Variants in SORCS3 observed in about 807,000 individuals in gnomAD.
The protein encoded by SORCS3 is sortilin related VPS10 domain containing receptor 3, also known as VPS10 domain-containing receptor SorCS3.
In SORCS3, 57 loss-of-function variants were observed where a neutral mutation model predicts 146.3. The observed-to-expected ratio is 0.39, with a 90% CI of 0.31 to 0.49. SORCS3 has a LOEUF of 0.49. Ranked by LOEUF, SORCS3 falls within the 20% of genes least tolerant of loss-of-function variation. The pLI is 0.92. For missense variants in SORCS3, 1,341 were observed against 1,575.5 expected (o/e 0.85, Z 2.52); for synonymous variants, 653 against 618.5 (o/e 1.06, Z -0.83).
chr10:104,744,627 T>C (rs2016886539), intron 1 of SORCS3, among the ~76,000 whole-genome samples: 1 of 152,218 alleles, frequency 6.6e-6, no homozygotes, highest in Non-Finnish European at 1.5e-5. Context: ...ATTAGGTCTG[T>C]CTGTTTCTAA....
Position 104,940,234 on chromosome 10 carries a change from ATATATTTTTTTTTTT to A in SORCS3, c.795+24304_795+24318del, listed in dbSNP as rs1289580768. 4.1e-4 allele frequency among the ~76,000 whole-genome samples: 10 copies of A among 24,250 alleles called. No homozygotes were observed. The East Asian group carries it at 4.4e-3, about 11-fold the overall frequency. 15.9% of individuals were successfully genotyped at this position (24,250 alleles called of 152,430 possible). On this transcript the variant is annotated intron_variant, in intron 3 of 26. Coordinates refer to ENST00000369701, the MANE Select transcript of SORCS3 (RefSeq NM_014978.3). ...TATATATATATATATATATATATATATATATTTTTTTTTTTTTTTTTATTATACTTTAAGTTCTAG... is the reference window on the plus strand; with the variant it reads ...TATATATATATATATATATATATATATTTTTTATTATACTTTAAGTTCTAG...
At chr10:105,201,308 G>A in intron 16 of SORCS3, 55 bp downstream of exon 16, 1 of 1,553,412 alleles carries the variant, frequency 6.4e-7, no homozygotes, top group Non-Finnish European at 8.7e-7. Flanking sequence ...CCTGTCTGTG[G>A]GGTGGGGTGG....
chr10:105,248,419 T>C (rs1161588339), intron 22 of SORCS3, among the ~76,000 whole-genome samples: 1 of 152,120 alleles, frequency 6.6e-6, no homozygotes, highest in Non-Finnish European at 1.5e-5. Context: ...AGGATGGTGT[T>C]TGAATGAGCA....
chr10:104,744,317 T>G (rs1478302920), intron 1 of SORCS3, among the ~76,000 whole-genome samples: 2 of 152,222 alleles, frequency 1.3e-5, no homozygotes, highest in African/African-American at 4.8e-5. Context: ...TGGGAACTTT[T>G]GACATGCTGG....
chr10:105,245,691 T>A, intron 21 of SORCS3, 26 bp downstream of exon 21: 1 of 1,612,358 alleles, frequency 6.2e-7, no homozygotes, highest in Non-Finnish European at 8.5e-7. Context: ...TGTTCTGTGA[T>A]GCTCCTTCCC....
chr10:104,645,558 C>T (rs932971018), intron 1 of SORCS3, among the ~76,000 whole-genome samples: 1 of 152,172 alleles, frequency 6.6e-6, no homozygotes, highest in Non-Finnish European at 1.5e-5. Flanking sequence ...GAAGTGGCAG[C>T]GATTTGCAGG....
chr10:104,897,760 A>G (rs2018814041), intron 2 of SORCS3, among the ~76,000 whole-genome samples: 1 of 152,264 alleles, frequency 6.6e-6, no homozygotes, highest in East Asian at 1.9e-4. Flanking sequence ...CAAGTGAAGC[A>G]GTTGTTGGGT....
At chr10:104,694,615 A>G (rs1177731018) in intron 1 of SORCS3, among the ~76,000 whole-genome samples, 2 of 152,180 alleles carry the variant, frequency 1.3e-5, no homozygotes, top group East Asian at 3.9e-4. Context: ...CAAGGGTGAA[A>G]AGGCCTGGCC....
intron 7 of SORCS3, among the ~76,000 whole-genome samples, chr10:105,123,011 G>A (rs1239114541): frequency 6.6e-6 from 1 of 152,174 alleles, no homozygotes; most frequent in Non-Finnish European, 1.5e-5. Flanking sequence ...GTTTCCTTGT[G>A]GCAAAATGAA....
intron 5 of SORCS3, among the ~76,000 whole-genome samples, chr10:105,077,575 G>T (rs959496124): frequency 6.7e-6 from 1 of 149,632 alleles, no homozygotes; most frequent in African/African-American, 2.5e-5. Context: ...CAGAGGGATG[G>T]TATTAGGATC....
At chr10:104,955,183 A>G (rs552274780) in intron 3 of SORCS3, among the ~76,000 whole-genome samples, 3 of 151,676 alleles carry the variant, frequency 2.0e-5, no homozygotes, top group South Asian at 2.1e-4. Flanking sequence ...CCATTCCCCT[A>G]TATCCCTAGT....
At chr10:105,137,159 AAGG>A (rs985035070) in intron 7 of SORCS3, among the ~76,000 whole-genome samples, 22 of 152,108 alleles carry the variant, frequency 1.4e-4, no homozygotes, top group Admixed American at 1.4e-3. Context: ...TGGATCTTCC[AAGG>A]AGAAGCCCCT....
chr10:105,056,936 T>C (rs1382943007), intron 5 of SORCS3, among the ~76,000 whole-genome samples: 7 of 152,206 alleles, frequency 4.6e-5, no homozygotes. Context: ...TTTACATCTT[T>C]TAAAAAAACT....
chr10:105,159,627 A>G (rs2056245032), intron 11 of SORCS3, among the ~76,000 whole-genome samples: 1 of 152,206 alleles, frequency 6.6e-6, no homozygotes, highest in African/African-American at 2.4e-5. Flanking sequence ...ACACCTTTTC[A>G]AGAATACATT....
At chr10:104,791,204 G>A (rs1017148996) in intron 1 of SORCS3, among the ~76,000 whole-genome samples, 2 of 152,206 alleles carry the variant, frequency 1.3e-5, no homozygotes, top group Non-Finnish European at 2.9e-5. Flanking sequence ...AAGCCGAGGA[G>A]GGGGCCTGTG....
chr10:104,860,946 C>T (rs1326646826), intron 2 of SORCS3, among the ~76,000 whole-genome samples: 1 of 152,104 alleles, frequency 6.6e-6, no homozygotes, highest in African/African-American at 2.4e-5. Context: ...TCTACAGTCC[C>T]CTCAGTGGAA....
At chr10:105,085,623 A>G (rs17790008) in intron 5 of SORCS3, among the ~76,000 whole-genome samples, 12,117 of 152,262 alleles carry the variant, frequency 0.08, 591 homozygotes, top group Middle Eastern at 0.12. Flanking sequence ...TGATAGCTTA[A>G]GCAAATAAAT....
intron 24 of SORCS3, among the ~76,000 whole-genome samples, chr10:105,256,551 G>A (rs1373371084): frequency 2.6e-5 from 4 of 152,198 alleles, no homozygotes; most frequent in Non-Finnish European, 4.4e-5. Context: ...ACTCCCCTGA[G>A]CTGGACATAC....
At chr10:105,034,758 G>C (rs1164256999) in intron 4 of SORCS3, among the ~76,000 whole-genome samples, 1 of 152,252 alleles carries the variant, frequency 6.6e-6, no homozygotes, top group African/African-American at 2.4e-5. Flanking sequence ...CAAAAATAAG[G>C]CTGCCATATT....
Sources: allele counts gnomAD v4.1 joint callset (sites outside exome capture counted in the v4.1 genomes callset), GRCh38; gene constraint gnomAD v4.1.1; transcripts MANE v1.5; gene names NCBI Gene and HGNC (gene_info 2026-07-23, HGNC 2026-07-21).